LSM3: variants seen among roughly 807,000 people sequenced by gnomAD.
LSM3 encodes U6 snRNA-associated Sm-like protein LSm3.
LSM3 carries 14 observed loss-of-function variants against 15.4 expected under a neutral mutation model. The observed-to-expected ratio is 0.91, with a 90% CI of 0.60 to 1.42. The LOEUF (loss-of-function observed/expected upper bound fraction) is 1.42, where lower values mean the gene tolerates loss of function less well. Among genes scored for constraint, LSM3 ranks in the 40% most tolerant of loss-of-function variants. The pLI is 0.00. For missense variants in LSM3, 88 were observed against 127.9 expected (o/e 0.69, Z 1.50); for synonymous variants, 46 against 45.1 (o/e 1.02, Z -0.08).
intron 3 of LSM3, among the ~76,000 whole-genome samples, chr3:14,184,521 G>A (rs1421855193): frequency 2.6e-5 from 4 of 151,944 alleles, no homozygotes; most frequent in Admixed American, 6.5e-5. Context: ...TTGGGAGGCC[G>A]AGGCGGGCGG....
chr3:14,198,055 C>T lies in LSM3; in HGVS notation c.248C>T (p.Pro83Leu). 1 of 1,613,524 alleles carries T rather than the reference C, an allele frequency of 6.2e-7. No individual in the cohort carries two copies. Residue 83 changes from proline (P) to leucine (L), a missense_variant, in exon 4 of 4, where the codon CCA (proline) becomes CTA (leucine). Transcript: ENST00000306024. ...TTCTAGTCAACGAAACGGAATATTC[C>T]AATGCTCTTTGTCCGGGGAGATGGC... ...EIYKSTKRNI[P>L]MLFVRGDGVV...
At chr3:14,197,848 G>T (rs1697199709) in intron 3 of LSM3, among the ~76,000 whole-genome samples, 188 bp from the exon 4 acceptor site, 1 of 152,220 alleles carries the variant, frequency 6.6e-6, no homozygotes, top group African/African-American at 2.4e-5. Flanking sequence ...GGTAGCTCCA[G>T]TCTCTGCCAC....
In LSM3 at chr3:14,178,915, C is replaced by T. The variant is rs377267602; in HGVS notation, c.21+34C>T. The T allele has an allele frequency of 2.1e-5, 34 of 1,612,786 alleles. No homozygotes were observed. The African/African-American group carries it at 3.7e-4, about 18-fold the overall frequency. ...ATTTTAAGGAGGTCGCTCGAAGGAG[C>T]TTCTTGTACTAGGCTGCTTTTTCCA... On this transcript the variant is annotated intron_variant, in intron 1 of 3. Coordinates refer to ENST00000306024, the MANE Select transcript of LSM3 (RefSeq NM_014463.3).
intron 2 of LSM3, among the ~76,000 whole-genome samples, chr3:14,183,049 ATTAC>A (rs1697055070): frequency 6.6e-6 from 1 of 152,232 alleles, no homozygotes; most frequent in African/African-American, 2.4e-5. Flanking sequence ...ATTGAGTTTA[ATTAC>A]TTAAGTTTGT....
chr3:14,192,576 T>C (rs1697150262), intron 3 of LSM3, among the ~76,000 whole-genome samples: 1 of 152,234 alleles, frequency 6.6e-6, no homozygotes, highest in Non-Finnish European at 1.5e-5. Flanking sequence ...TTAAAGTCTG[T>C]TTTATTACAG....
chr3:14,190,932 A>G (rs947579425), intron 3 of LSM3, among the ~76,000 whole-genome samples: 1 of 152,170 alleles, frequency 6.6e-6, no homozygotes, highest in Non-Finnish European at 1.5e-5. Flanking sequence ...TTTGTCATAA[A>G]TAGTTCTTAT....
At position 14,198,135 on chromosome 3, in the gene LSM3, T is replaced by G. The variant is rs766256433; in HGVS notation, c.*19T>G. On this transcript the variant is annotated 3_prime_UTR_variant, in exon 4 of 4. Transcript: ENST00000306024. ...TGGCTGAAACAAAGAATTTGTCCTG[T>G]ATGGAAAACGGGAGACTTTGTACAG... The G allele has an allele frequency of 1.3e-6, 2 of 1,599,036 alleles. No individual in the cohort carries two copies. Among genetic ancestry groups the G allele is most frequent in the Admixed American group, 3.3e-5 (2 of 59,962 alleles).
chr3:14,194,694 T>TA lies in LSM3; in HGVS notation c.229-3331dup, dbSNP rs1173923289. Among the ~76,000 whole-genome samples the TA allele has an allele frequency of 7.3e-4, 105 of 143,884 alleles. 1 individual carries two copies. The East Asian group carries it at 0.014, about 19-fold the overall frequency. 94.4% of individuals were successfully genotyped at this position (143,884 alleles called of 152,430 possible). On this transcript the variant is annotated intron_variant, in intron 3 of 3. Transcript: ENST00000306024. ...CACCTATCAGACACACATGCACACT[T>TA]AAAAAAAAAAATTCTGGGTGAAATT...
intron 3 of LSM3, 126 bp downstream of exon 3, chr3:14,184,158 A>G (rs1165365045): frequency 1.6e-6 from 2 of 1,216,158 alleles, no homozygotes; most frequent in Non-Finnish European, 2.1e-6. Flanking sequence ...AGAGCATAGC[A>G]ATTAAAAGCA....
At chr3:14,182,635 A>G (rs1697050692) in intron 2 of LSM3, among the ~76,000 whole-genome samples, 1 of 152,168 alleles carries the variant, frequency 6.6e-6, no homozygotes, top group South Asian at 2.1e-4. Flanking sequence ...TGTTTTTAGT[A>G]TTGCTACTCT....
rs1435889041 is a variant in LSM3 at position 14,180,820 on chromosome 3, CCTTTTTTTTTTT to C, written c.22-739_22-728del. Reference sequence around the variant, plus strand: ...TGACTCCAAAGCCAGTGCTTGCTTGCCTTTTTTTTTTTTTTTTTTTTTTTTTTTTTTTTTTTT... The same window carrying C: ...TGACTCCAAAGCCAGTGCTTGCTTGCTTTTTTTTTTTTTTTTTTTTTTTTT... On this transcript the variant is annotated intron_variant, in intron 1 of 3. Transcript: ENST00000306024. Among the ~76,000 whole-genome samples the C allele has an allele frequency of 8.8e-3, 450 of 51,342 alleles. 18 individuals are homozygous for C. The highest frequency in any genetic ancestry group is 0.027 in the South Asian group (41 of 1,512). The allele number at this position is 51,342 out of a possible 152,430, so 33.7% of individuals were successfully genotyped here. A position where few individuals can be genotyped will look rare whatever the true frequency, so the allele number is the denominator to read the frequency against.
chr3:14,191,143 G>T (rs903513054), intron 3 of LSM3, among the ~76,000 whole-genome samples: 1 of 152,106 alleles, frequency 6.6e-6, no homozygotes, highest in African/African-American at 2.4e-5. Flanking sequence ...TGACTTGATC[G>T]TGGTGGATCA....
At position 14,188,578 on chromosome 3, in the gene LSM3, G is replaced by T. The variant is rs564425226; in HGVS notation, c.228+4546G>T. On this transcript the variant is annotated intron_variant, in intron 3 of 3. Coordinates refer to ENST00000306024, the MANE Select transcript of LSM3 (RefSeq NM_014463.3). ...TTACTGGTTTCTTGAGAATCTTCTCGTGTCTTTATGCATATGCTAATGAGT... is the reference window on the plus strand; with the variant it reads ...TTACTGGTTTCTTGAGAATCTTCTCTTGTCTTTATGCATATGCTAATGAGT... Among the ~76,000 whole-genome samples the T allele has an allele frequency of 1.1e-3, 164 of 152,190 alleles. 4 individuals carry two copies. In the South Asian group the frequency reaches 0.033, roughly 31 times the overall value.
At chr3:14,182,491 A>AT (rs561241421) in intron 2 of LSM3, among the ~76,000 whole-genome samples, 5 of 151,960 alleles carry the variant, frequency 3.3e-5, no homozygotes, top group Admixed American at 6.6e-5. Flanking sequence ...TGCAGTAAGC[A>AT]TTTTTTTACA....
chr3:14,184,458 C>G (rs1294167738), intron 3 of LSM3, among the ~76,000 whole-genome samples: 1 of 152,080 alleles, frequency 6.6e-6, no homozygotes, highest in Non-Finnish European at 1.5e-5. Flanking sequence ...AATATTTATT[C>G]ATTAAAAAAA....
intron 1 of LSM3, among the ~76,000 whole-genome samples, chr3:14,179,215 T>C (rs574148824): frequency 6.6e-6 from 1 of 152,252 alleles, no homozygotes; most frequent in Non-Finnish European, 1.5e-5. Context: ...GCAACAATTA[T>C]TTATTCATTC....
chr3:14,194,326 G>A (rs1450038353), intron 3 of LSM3, among the ~76,000 whole-genome samples: 1 of 152,232 alleles, frequency 6.6e-6, no homozygotes, highest in East Asian at 1.9e-4. Context: ...GTCAGGCAGA[G>A]ACGTTTAAGT....
At chr3:14,192,180 T>C (rs1360449089) in intron 3 of LSM3, among the ~76,000 whole-genome samples, 1 of 152,232 alleles carries the variant, frequency 6.6e-6, no homozygotes, top group Admixed American at 6.5e-5. Flanking sequence ...TTACATTTGC[T>C]GAGGAGTGTT....
At chr3:14,194,676 C>T (rs1222250418) in intron 3 of LSM3, among the ~76,000 whole-genome samples, 2 of 150,848 alleles carry the variant, frequency 1.3e-5, no homozygotes, top group African/African-American at 4.9e-5. Context: ...TGTCACCTAT[C>T]AGACACACAT....
Sources: allele counts gnomAD v4.1 joint callset (sites outside exome capture counted in the v4.1 genomes callset), GRCh38; gene constraint gnomAD v4.1.1; transcripts MANE v1.5; gene names NCBI Gene and HGNC (gene_info 2026-07-23, HGNC 2026-07-21).